PLD5: variants seen among roughly 807,000 people sequenced by gnomAD.
The protein encoded by PLD5 is phospholipase D family member 5, also known as inactive phospholipase D5.
In PLD5, 36 loss-of-function variants were observed where a neutral mutation model predicts 61.1. The observed-to-expected ratio is 0.59, with a 90% CI of 0.45 to 0.78. PLD5 has a LOEUF of 0.78. PLD5 is among the 30% of genes least tolerant of loss of function. PLD5 has a pLI of 0.00. For missense variants in PLD5, 515 were observed against 644.4 expected (o/e 0.80, Z 2.17); for synonymous variants, 243 against 242.8 (o/e 1.00, Z -0.01).
intron 2 of PLD5, among the ~76,000 whole-genome samples, chr1:242,297,447 T>C (rs1675747083): frequency 7.2e-6 from 1 of 139,576 alleles, no homozygotes. Flanking sequence ...TGCTCTGTCA[T>C]CCAGGCTAGA....
At chr1:242,201,844 A>G (rs1001901715) in intron 5 of PLD5, among the ~76,000 whole-genome samples, 2 of 152,184 alleles carry the variant, frequency 1.3e-5, no homozygotes, top group Admixed American at 1.3e-4. Flanking sequence ...TTTGAAGACA[A>G]TGTCAGAAAT....
intron 3 of PLD5, among the ~76,000 whole-genome samples, chr1:242,285,999 C>A (rs750030441): frequency 2.0e-4 from 31 of 152,058 alleles, no homozygotes; most frequent in Non-Finnish European, 3.8e-4. Flanking sequence ...ATCCCAGCTA[C>A]TCGGGAGGCT....
At chr1:242,483,111 A>G (rs1319806322) in intron 1 of PLD5, among the ~76,000 whole-genome samples, 2 of 152,212 alleles carry the variant, frequency 1.3e-5, no homozygotes, top group Non-Finnish European at 2.9e-5. Flanking sequence ...AACATGCCAA[A>G]TTGTAAAGAC....
chr1:242,304,954 A>G (rs1676264077), intron 2 of PLD5, among the ~76,000 whole-genome samples: 1 of 152,034 alleles, frequency 6.6e-6, no homozygotes, highest in South Asian at 2.1e-4. Flanking sequence ...AAATACAAAA[A>G]CATTAGCTGG....
rs79944801 is a variant in PLD5, at chr1:242,389,845, A to T, written c.190-41603T>A. Among the ~76,000 whole-genome samples, 289 of 152,200 alleles carry T rather than the reference A, an allele frequency of 1.9e-3. 1 individual carries two copies. In the East Asian group the frequency reaches 0.02, roughly 10 times the overall value. ...AGCATGGATTTATGTAGAACCCACT[A>T]AACCTAAATATAGGCTACCATTCTT... On this transcript the variant is annotated intron_variant, in intron 1 of 9. Coordinates refer to ENST00000536534, the MANE Select transcript of PLD5 (RefSeq NM_001372062.1).
chr1:242,213,331 G>T (rs1038550965), intron 5 of PLD5, among the ~76,000 whole-genome samples: 12 of 152,080 alleles, frequency 7.9e-5, no homozygotes, highest in African/African-American at 2.9e-4. Flanking sequence ...CAGTAGAAAA[G>T]AATTTCCTGA....
chr1:242,292,993 G>A (rs193220233), intron 2 of PLD5, among the ~76,000 whole-genome samples: 42 of 152,242 alleles, frequency 2.8e-4, no homozygotes, highest in Admixed American at 2.4e-3. Flanking sequence ...AGGGGTCCAT[G>A]GCTAAAAAAG....
intron 2 of PLD5, among the ~76,000 whole-genome samples, chr1:242,295,210 C>T (rs57840333): frequency 0.018 from 2,800 of 152,120 alleles, 89 homozygotes; most frequent in African/African-American, 0.064. Flanking sequence ...TGCTGGGGTT[C>T]GGGCTTCTAG....
intron 8 of PLD5, among the ~76,000 whole-genome samples, chr1:242,106,189 A>C (rs1426936852): frequency 6.6e-6 from 1 of 152,142 alleles, no homozygotes; most frequent in Non-Finnish European, 1.5e-5. Flanking sequence ...TTCTGTACTC[A>C]GGGAGGGAGG....
intron 1 of PLD5, among the ~76,000 whole-genome samples, chr1:242,358,188 T>C (rs1432349865): frequency 6.6e-6 from 1 of 152,260 alleles, no homozygotes; most frequent in Non-Finnish European, 1.5e-5. Context: ...TGAAGTTCAC[T>C]TAACTTTGTT....
chr1:242,270,601 C>G (rs541482767), intron 3 of PLD5, among the ~76,000 whole-genome samples: 1 of 152,338 alleles, frequency 6.6e-6, no homozygotes, highest in Non-Finnish European at 1.5e-5. Context: ...ATAGACTCTC[C>G]CAAGCCAAGC....
intron 1 of PLD5, among the ~76,000 whole-genome samples, chr1:242,463,349 C>T (rs987137847): frequency 3.2e-4 from 48 of 152,234 alleles, no homozygotes; most frequent in African/African-American, 1.2e-3. Flanking sequence ...GCCTCCAACT[C>T]TGTACTCCTG....
chr1:242,234,798 G>A (rs1671531103), intron 4 of PLD5, among the ~76,000 whole-genome samples: 1 of 152,014 alleles, frequency 6.6e-6, no homozygotes, highest in African/African-American at 2.4e-5. Flanking sequence ...ACTGGGGATG[G>A]GATGGGAAGG....
At chr1:242,123,207 A>G (rs1372998859) in intron 6 of PLD5, among the ~76,000 whole-genome samples, 1 of 152,172 alleles carries the variant, frequency 6.6e-6, no homozygotes, top group Non-Finnish European at 1.5e-5. Context: ...GATGAAAACA[A>G]TGGTACCATA....
chr1:242,125,296 C>T (rs12144680), intron 5 of PLD5, among the ~76,000 whole-genome samples: 27,179 of 152,016 alleles, frequency 0.18, 2,580 homozygotes, highest in Non-Finnish European at 0.19. Context: ...TTCTTATTAA[C>T]GTTACACAAG....
chr1:242,131,089 A>G (rs1012653705), intron 5 of PLD5, among the ~76,000 whole-genome samples: 1 of 152,130 alleles, frequency 6.6e-6, no homozygotes, highest in Non-Finnish European at 1.5e-5. Flanking sequence ...GCGGATCACT[A>G]GATCAAGAGA....
chr1:242,137,560 T>C (rs1048396256), intron 5 of PLD5, among the ~76,000 whole-genome samples: 5 of 152,130 alleles, frequency 3.3e-5, no homozygotes, highest in African/African-American at 1.2e-4. Flanking sequence ...GGTGGAAATG[T>C]TTCCAGCAAT....
rs1353135716 is a variant in PLD5, at chr1:242,288,371, T to A, written c.486A>T (p.Ser162=). ...AGAGGATGTAGCTTACCTGACATGC[T>A]GATGGATGAGTGTGGTTGAGATCCC... is the stretch of plus-strand genomic sequence containing the variant. The part of the protein sequence containing the change: ...SHWDLNHTHP[S]ACQGQRLFEK... The change falls in exon 3 of 10, where the codon TCA becomes TCT. Residue 162 remains serine, a synonymous_variant. Coordinates refer to ENST00000536534, the MANE Select transcript of PLD5 (RefSeq NM_001372062.1). The A allele has an allele frequency of 6.2e-7, 1 of 1,612,856 alleles. No individual in the cohort carries two copies. The highest frequency in any genetic ancestry group is 2.2e-5 in the East Asian group (1 of 44,868).
chr1:242,375,504 G>A (rs1420066035), intron 1 of PLD5, among the ~76,000 whole-genome samples: 2 of 152,154 alleles, frequency 1.3e-5, no homozygotes, highest in Admixed American at 6.6e-5. Context: ...AGTTATGATG[G>A]ATGGAGTGCA....
Sources: allele counts gnomAD v4.1 joint callset (sites outside exome capture counted in the v4.1 genomes callset), GRCh38; gene constraint gnomAD v4.1.1; transcripts MANE v1.5; gene names NCBI Gene and HGNC (gene_info 2026-07-23, HGNC 2026-07-21).